Variants in GALNT5 observed in about 807,000 individuals in gnomAD.
GALNT5 encodes UDP-GalNAc:polypeptide N-acetylgalactosaminyltransferase 5.
Under a neutral mutation model 85.4 loss-of-function variants are expected in GALNT5, and 72 were observed. That is an observed-to-expected ratio of 0.84 (90% CI 0.70 to 1.03). The LOEUF is 1.03. Ranked by LOEUF, GALNT5 falls within the 50% of genes least tolerant of loss-of-function variation. The probability of loss-of-function intolerance (pLI) is 0.00; values close to 1 mark genes in which losing one functional copy is unlikely to be tolerated. For synonymous variants in GALNT5, 404 were observed against 397.0 expected (o/e 1.02, Z -0.21); for missense variants, 1,137 against 1,135.5 (o/e 1.00, Z -0.02).
Position 157,311,400 on chromosome 2 carries a change from C to A in GALNT5, c.*52C>A. 1 of 1,188,896 alleles carries A rather than the reference C, an allele frequency of 8.4e-7. No individual in the cohort carries two copies. The highest frequency in any genetic ancestry group is 1.2e-6 in the Non-Finnish European group (1 of 844,108). The allele number at this position is 1,188,896 out of a possible 1,614,324, so 73.6% of individuals were successfully genotyped here. On this transcript the variant is annotated 3_prime_UTR_variant, in exon 10 of 10. Coordinates refer to ENST00000259056, the MANE Select transcript of GALNT5 (RefSeq NM_014568.3). ...AACCCATTAAATACTGTGAAAATAA[C>A]ACTGAACTTGGAAACTATATTTCTC...
intron 6 of GALNT5, among the ~76,000 whole-genome samples, chr2:157,300,407 G>A (rs1221665235): frequency 1.3e-5 from 2 of 151,852 alleles, no homozygotes; most frequent in African/African-American, 2.4e-5. Flanking sequence ...TTACAAAATG[G>A]GATTCTGTGA....
At chr2:157,309,332 C>G (rs1202427835) in intron 9 of GALNT5, among the ~76,000 whole-genome samples, 1 of 152,184 alleles carries the variant, frequency 6.6e-6, no homozygotes, top group Admixed American at 6.5e-5. Context: ...ATTTATACCA[C>G]AGAAATTGGA....
At chr2:157,310,864 T>C (rs1266336819) in intron 9 of GALNT5, among the ~76,000 whole-genome samples, 3 of 152,182 alleles carry the variant, frequency 2.0e-5, no homozygotes, top group Non-Finnish European at 4.4e-5. Flanking sequence ...ATTCTTTCTT[T>C]ACCATCAATG....
chr2:157,273,508 T>A (rs2105128440), intron 1 of GALNT5, among the ~76,000 whole-genome samples: 1 of 151,826 alleles, frequency 6.6e-6, no homozygotes, highest in East Asian at 1.9e-4. Context: ...AAAAGAAGCT[T>A]CAAATTTAGG....
intron 1 of GALNT5, among the ~76,000 whole-genome samples, chr2:157,270,323 T>G (rs946633478): frequency 3.9e-5 from 6 of 152,204 alleles, no homozygotes; most frequent in African/African-American, 1.4e-4. Flanking sequence ...TGAAATTTCA[T>G]AAAATTTTGG....
intron 3 of GALNT5, among the ~76,000 whole-genome samples, chr2:157,291,637 C>CCG (rs1553463142): frequency 1.5e-5 from 2 of 135,842 alleles, no homozygotes; most frequent in African/African-American, 2.8e-5. Context: ...CCACCCACCC[C>CCG]CCCCCAGATT....
chr2:157,258,286 C>T lies in GALNT5; in HGVS notation c.204C>T (p.Tyr68=), dbSNP rs1682236083. The part of the protein sequence containing the change: ...RVQPDQGKIF[Y]SSIKEMKPPL... The stretch of plus-strand genomic sequence containing the variant: ...AGCCAGACCAAGGAAAAATTTTTTA[C>T]AGCAGCATAAAAGAGATGAAACCTC... Residue 68 remains tyrosine (Y), a synonymous_variant, in exon 1 of 10, where the codon TAC becomes TAT. Coordinates refer to ENST00000259056, the MANE Select transcript of GALNT5 (RefSeq NM_014568.3). 1 of 1,599,840 alleles carries T rather than the reference C, an allele frequency of 6.3e-7. No homozygotes were observed. The highest frequency in any genetic ancestry group is 1.7e-5 in the Admixed American group (1 of 57,388).
At chr2:157,290,730 C>CAAGG (rs1683081928) in intron 3 of GALNT5, among the ~76,000 whole-genome samples, 1 of 152,018 alleles carries the variant, frequency 6.6e-6, no homozygotes, top group Non-Finnish European at 1.5e-5. Context: ...AAGTAACAGG[C>CAAGG]AAGGGTGAGA....
In GALNT5 at chr2:157,318,482, T is replaced by G. The variant is rs910388853; in HGVS notation, c.*7134T>G. ...ACCTTTTTGAAATAAATAATGCAAATGAACTAAAATAAAGTGTTCTCTTGA... is the reference window on the plus strand; with the variant it reads ...ACCTTTTTGAAATAAATAATGCAAAGGAACTAAAATAAAGTGTTCTCTTGA... On this transcript the variant is annotated 3_prime_UTR_variant, in exon 10 of 10. Coordinates refer to ENST00000259056, the MANE Select transcript of GALNT5 (RefSeq NM_014568.3). 3 of 152,146 alleles carry G rather than the reference T, an allele frequency of 2.0e-5. No homozygotes were observed. Among genetic ancestry groups the G allele is most frequent in the Non-Finnish European group, 2.9e-5 (2 of 68,020 alleles). 9.4% of individuals were successfully genotyped at this position (152,146 alleles called of 1,614,324 possible).
chr2:157,306,323 G>A (rs1683454914), intron 8 of GALNT5, among the ~76,000 whole-genome samples: 1 of 152,196 alleles, frequency 6.6e-6, no homozygotes, highest in Admixed American at 6.5e-5. Flanking sequence ...CTTATTGTCT[G>A]ATTCCATTCT....
intron 1 of GALNT5, among the ~76,000 whole-genome samples, chr2:157,264,845 A>G (rs115088055): frequency 2.0e-5 from 3 of 152,298 alleles, no homozygotes; most frequent in Admixed American, 6.5e-5. Context: ...CTGAGAGAAA[A>G]AAAGAAACTT....
At chr2:157,290,975 C>T (rs1683085425) in intron 3 of GALNT5, among the ~76,000 whole-genome samples, 1 of 152,132 alleles carries the variant, frequency 6.6e-6, no homozygotes, top group Non-Finnish European at 1.5e-5. Flanking sequence ...AGATTAGGTC[C>T]AATCAGTTGC....
chr2:157,308,241 CAG>C (rs1683495197), intron 8 of GALNT5, among the ~76,000 whole-genome samples: 1 of 152,162 alleles, frequency 6.6e-6, no homozygotes, highest in African/African-American at 2.4e-5. Context: ...CATATGCAGA[CAG>C]AATTAATTGC....
intron 1 of GALNT5, among the ~76,000 whole-genome samples, chr2:157,274,298 T>C (rs1682668835): frequency 6.6e-6 from 1 of 152,216 alleles, no homozygotes; most frequent in African/African-American, 2.4e-5. Flanking sequence ...ACATGTGTCT[T>C]TATAGTAGCA....
rs761590726 is a variant in GALNT5, at chr2:157,295,786, A to T, written c.1865A>T (p.Asp622Val). The change falls in exon 4 of 10, where the codon GAT becomes GTT. Residue 622 changes from aspartate (D) to valine (V), a missense_variant. Transcript: ENST00000259056. ...TGTCCAGTAATCGAAGTCATCAATGATAAGGATATGAGGTAATATTTACAC... is the reference window on the plus strand; with the variant it reads ...TGTCCAGTAATCGAAGTCATCAATGTTAAGGATATGAGGTAATATTTACAC... ...VACPVIEVIN[D>V]KDMSYMTVDN... 7 of 1,605,790 alleles carry T rather than the reference A, an allele frequency of 4.4e-6. No individual in the cohort carries two copies. Among genetic ancestry groups the T allele is most frequent in the Non-Finnish European group, 5.1e-6 (6 of 1,172,966 alleles).
intron 1 of GALNT5, among the ~76,000 whole-genome samples, chr2:157,263,041 A>G (rs1337226310): frequency 2.0e-5 from 3 of 151,172 alleles, no homozygotes; most frequent in Non-Finnish European, 4.4e-5. Context: ...GTTAGCCAGG[A>G]TGGTCTCGAT....
chr2:157,277,536 A>C (rs919293640), intron 1 of GALNT5, among the ~76,000 whole-genome samples: 16 of 152,302 alleles, frequency 1.1e-4, no homozygotes, highest in African/African-American at 3.4e-4. Context: ...TAGGATAGTT[A>C]GCTCTTCTTG....
chr2:157,289,431 C>T (rs1039620081), intron 3 of GALNT5, among the ~76,000 whole-genome samples: 7 of 152,226 alleles, frequency 4.6e-5, no homozygotes, highest in South Asian at 2.1e-4. Flanking sequence ...CATGTGTAAT[C>T]ACACATATAA....
chr2:157,278,892 G>C (rs1349652405), intron 1 of GALNT5, among the ~76,000 whole-genome samples: 1 of 152,148 alleles, frequency 6.6e-6, no homozygotes, highest in African/African-American at 2.4e-5. Flanking sequence ...GAGGAGAAGA[G>C]GTGCTCTGGT....
Sources: gnomAD v4.1 joint callset for allele counts (sites outside exome capture counted in the v4.1 genomes callset) on GRCh38, gnomAD v4.1.1 for gene constraint, MANE v1.5 for transcripts, NCBI Gene and HGNC (gene_info 2026-07-23, HGNC 2026-07-21) for gene names.